Variants in PCDH15 observed in about 807,000 individuals in gnomAD.
PCDH15 encodes the protein protocadherin related 15.
In PCDH15, 129 loss-of-function variants were observed where a neutral mutation model predicts 178.5. The observed-to-expected ratio is 0.72, with a 90% confidence interval of 0.63 to 0.84. The LOEUF (loss-of-function observed/expected upper bound fraction) is 0.84, where lower values mean the gene tolerates loss of function less well. Ranked by LOEUF, PCDH15 falls within the 40% of genes least tolerant of loss-of-function variation. The pLI, the probability that PCDH15 is intolerant of heterozygous loss-of-function variation, is 0.00. For synonymous variants in PCDH15, 800 were observed against 732.0 expected (o/e 1.09, Z -1.50); for missense variants, 2,230 against 2,099.9 (o/e 1.06, Z -1.21).
At chr10:55,056,827 T>G (rs1841319610) in intron 2 of PCDH15, among the ~76,000 whole-genome samples, 1 of 151,288 alleles carries the variant, frequency 6.6e-6, no homozygotes, top group South Asian at 2.1e-4. Flanking sequence ...GGAACAAGAG[T>G]TTCACCGTAT....
chr10:53,863,489 A>G (rs1428010314), intron 27 of PCDH15, among the ~76,000 whole-genome samples: 2 of 152,148 alleles, frequency 1.3e-5, no homozygotes, highest in African/African-American at 2.4e-5. Flanking sequence ...CGACAAGAAT[A>G]GTTTGGAAGA....
intron 2 of PCDH15, among the ~76,000 whole-genome samples, chr10:55,014,106 A>C (rs192554655): frequency 1.3e-5 from 2 of 152,152 alleles, no homozygotes; most frequent in African/African-American, 4.8e-5. Flanking sequence ...TCATTAAAAT[A>C]TATTTACATT....
At chr10:55,430,683 A>G (rs1157328267) in intron 2 of PCDH15, among the ~76,000 whole-genome samples, 1 of 152,214 alleles carries the variant, frequency 6.6e-6, no homozygotes, top group Non-Finnish European at 1.5e-5. Context: ...AAAATAAAAA[A>G]TGGCATAAGA....
At chr10:54,234,832 T>G (rs540525817) in intron 9 of PCDH15, among the ~76,000 whole-genome samples, 1 of 152,340 alleles carries the variant, frequency 6.6e-6, no homozygotes, top group South Asian at 2.1e-4. Context: ...GATGAAACTT[T>G]CCATCACTGT....
chr10:54,937,924 A>G lies in PCDH15; in HGVS notation c.-79-40424T>C, dbSNP rs868159141. Among the ~76,000 whole-genome samples the G allele has an allele frequency of 6.6e-5, 10 of 151,980 alleles. 1 individual carries two copies. The highest frequency in any genetic ancestry group is 1.3e-4 in the Non-Finnish European group (9 of 67,888). On this transcript the variant is annotated intron_variant, in intron 2 of 5. Transcript: ENST00000458638. ...AGAAAACGTCCTTGTCTCATTCCTT[A>G]TCTTAGGGGAAAACATTTAGTCTTT...
chr10:53,831,901 T>C (rs1424370068), intron 29 of PCDH15, among the ~76,000 whole-genome samples: 2 of 152,156 alleles, frequency 1.3e-5, no homozygotes, highest in African/African-American at 4.8e-5. Flanking sequence ...ATTTATGCAT[T>C]TTATCTCCTT....
chr10:54,766,780 T>G (rs754719951), intron 1 of PCDH15, among the ~76,000 whole-genome samples: 1 of 151,546 alleles, frequency 6.6e-6, no homozygotes, highest in African/African-American at 2.4e-5. Context: ...ATACAAAAAA[T>G]TAGCCAGGCG....
chr10:54,565,811 G>A (rs151132614), intron 2 of PCDH15, among the ~76,000 whole-genome samples: 22 of 152,250 alleles, frequency 1.4e-4, no homozygotes, highest in African/African-American at 2.4e-4. Context: ...AAGGCCAGGC[G>A]CGGTGGCTCA....
At chr10:54,402,524 T>A (rs1397833520) in intron 3 of PCDH15, among the ~76,000 whole-genome samples, 1 of 152,044 alleles carries the variant, frequency 6.6e-6, no homozygotes, top group Non-Finnish European at 1.5e-5. Context: ...TTTTAAAAGT[T>A]TGAAGATTTG....
intron 7 of PCDH15, among the ~76,000 whole-genome samples, chr10:54,321,076 A>AC (rs5785059): frequency 0.28 from 30,810 of 110,484 alleles, 3,214 homozygotes; most frequent in Middle Eastern, 0.34. Flanking sequence ...TTTACATTTG[A>AC]CATTTTTCTC....
chr10:54,797,295 CT>C (rs1242471717), intron 1 of PCDH15, among the ~76,000 whole-genome samples: 2 of 151,996 alleles, frequency 1.3e-5, no homozygotes, highest in African/African-American at 4.8e-5. Flanking sequence ...CATTTACCAA[CT>C]TGAAGGAAAG....
chr10:54,463,858 T>TA (rs922537024), intron 3 of PCDH15, among the ~76,000 whole-genome samples: 1 of 151,900 alleles, frequency 6.6e-6, no homozygotes, highest in Admixed American at 6.6e-5. Flanking sequence ...AACTCCGTCT[T>TA]AAAAAAATAA....
At chr10:55,287,971 T>G (rs1325056667) in intron 1 of PCDH15, among the ~76,000 whole-genome samples, 1 of 151,692 alleles carries the variant, frequency 6.6e-6, no homozygotes, top group Non-Finnish European at 1.5e-5. Context: ...GCTGGGTCAT[T>G]TATTAATCAA....
At chr10:54,502,596 C>T (rs1027707769) in intron 3 of PCDH15, among the ~76,000 whole-genome samples, 1 of 152,088 alleles carries the variant, frequency 6.6e-6, no homozygotes, top group African/African-American at 2.4e-5. Flanking sequence ...TAATATCATG[C>T]ATGACACAGA....
At chr10:54,623,212 A>T (rs1211424292) in intron 2 of PCDH15, among the ~76,000 whole-genome samples, 1 of 152,076 alleles carries the variant, frequency 6.6e-6, no homozygotes, top group Non-Finnish European at 1.5e-5. Context: ...AACGACATCA[A>T]TTAATGAAGT....
intron 2 of PCDH15, among the ~76,000 whole-genome samples, chr10:54,566,039 G>A (rs143241518): frequency 0.013 from 1,998 of 152,192 alleles, 49 homozygotes; most frequent in African/African-American, 0.045. Flanking sequence ...AGCTGAGATC[G>A]TGCCATTTCA....
At chr10:54,308,737 A>G (rs1015472076) in intron 8 of PCDH15, among the ~76,000 whole-genome samples, 2 of 152,020 alleles carry the variant, frequency 1.3e-5, no homozygotes, top group African/African-American at 4.8e-5. Context: ...GCACCCATCA[A>G]CCCATAATCT....
At chr10:55,344,706 G>A (rs1001682758) in intron 2 of PCDH15, among the ~76,000 whole-genome samples, 1 of 151,988 alleles carries the variant, frequency 6.6e-6, no homozygotes, top group African/African-American at 2.4e-5. Flanking sequence ...ACCAGAGATG[G>A]CTAATAGGCA....
At chr10:55,238,439 C>G (rs937265106) in intron 1 of PCDH15, among the ~76,000 whole-genome samples, 1 of 151,944 alleles carries the variant, frequency 6.6e-6, no homozygotes, top group African/African-American at 2.4e-5. Flanking sequence ...CGTGAGCCAC[C>G]GCGCCCGGCC....
Sources: gnomAD v4.1 joint callset for allele counts (sites outside exome capture counted in the v4.1 genomes callset) on GRCh38, gnomAD v4.1.1 for gene constraint, MANE v1.5 for transcripts, NCBI Gene and HGNC (gene_info 2026-07-23, HGNC 2026-07-21) for gene names.